Variants in KCNK2 observed in about 807,000 individuals in gnomAD.
KCNK2 encodes potassium two pore domain channel subfamily K member 2.
A neutral mutation model predicts 40.5 loss-of-function variants in KCNK2; 21 were observed. The ratio of observed to expected loss-of-function variants is 0.52; its 90% CI spans 0.37 to 0.75. The LOEUF (loss-of-function observed/expected upper bound fraction) is 0.75, where lower values mean the gene tolerates loss of function less well. Ranked by LOEUF, KCNK2 falls within the 30% of genes least tolerant of loss-of-function variation. The pLI is 0.00. For missense variants in KCNK2, 399 were observed against 531.6 expected (o/e 0.75, Z 2.45); for synonymous variants, 191 against 202.2 (o/e 0.94, Z 0.47).
At chr1:215,209,897 CTT>C (rs1291369321) in intron 6 of KCNK2, among the ~76,000 whole-genome samples, 1 of 56,272 alleles carries the variant, frequency 1.8e-5, no homozygotes, top group Non-Finnish European at 3.1e-5. Flanking sequence ...ACTATACTGA[CTT>C]TTGTTGAACT....
chr1:215,093,882 A>T (rs1243607551), intron 2 of KCNK2, among the ~76,000 whole-genome samples: 1 of 104,870 alleles, frequency 9.5e-6, no homozygotes, highest in Non-Finnish European at 1.8e-5. Flanking sequence ...TATATATTAT[A>T]TATTATATAT....
chr1:215,131,656 T>C (rs1289642071), intron 3 of KCNK2, among the ~76,000 whole-genome samples: 1 of 149,868 alleles, frequency 6.7e-6, no homozygotes, highest in Non-Finnish European at 1.5e-5. Context: ...AATTATTATA[T>C]CTGAGTGTCA....
intron 5 of KCNK2, among the ~76,000 whole-genome samples, chr1:215,172,419 C>T (rs995222570): frequency 1.3e-5 from 2 of 152,120 alleles, no homozygotes; most frequent in African/African-American, 4.8e-5. Flanking sequence ...TTCTTAGCCT[C>T]TTCCTAATTT....
At chr1:215,140,274 A>G (rs1277951963) in intron 3 of KCNK2, among the ~76,000 whole-genome samples, 1 of 152,152 alleles carries the variant, frequency 6.6e-6, no homozygotes, top group Non-Finnish European at 1.5e-5. Flanking sequence ...AGGCAAGGTG[A>G]TTCAGTCATC....
chr1:215,188,286 A>C (rs905012403), intron 5 of KCNK2, among the ~76,000 whole-genome samples: 1 of 152,158 alleles, frequency 6.6e-6, no homozygotes, highest in African/African-American at 2.4e-5. Context: ...TTTCCCAGGT[A>C]AAATTTTTCC....
intron 6 of KCNK2, among the ~76,000 whole-genome samples, chr1:215,205,117 T>C (rs1247522371): frequency 6.6e-6 from 1 of 152,218 alleles, no homozygotes; most frequent in African/African-American, 2.4e-5. Context: ...CATGAAATAT[T>C]TTCATTTGAC....
intron 6 of KCNK2, among the ~76,000 whole-genome samples, chr1:215,207,818 G>A (rs913119987): frequency 2.0e-5 from 3 of 152,064 alleles, no homozygotes; most frequent in African/African-American, 7.2e-5. Flanking sequence ...AGCAAAATTA[G>A]ATACTATTTC....
chr1:215,166,503 T>G (rs1251529014), intron 3 of KCNK2, among the ~76,000 whole-genome samples: 2 of 152,100 alleles, frequency 1.3e-5, no homozygotes, highest in African/African-American at 4.8e-5. Context: ...TCAAGCTGTG[T>G]TTTCCAAACA....
At position 215,083,422 on chromosome 1, in the gene KCNK2, A is replaced by T. The variant is rs1659270715; in HGVS notation, c.37A>T (p.Arg13Ter). 6.2e-7 allele frequency: 1 copy of T among 1,613,428 alleles called. No individual in the cohort carries two copies. Among genetic ancestry groups the T allele is most frequent in the Non-Finnish European group, 8.5e-7 (1 of 1,179,552 alleles). Residue 13 changes from arginine to a stop codon, truncating the protein, a stop_gained, in exon 1 of 7, where the codon AGA (arginine) becomes TGA (stop). Transcript: ENST00000444842. LOFTEE classifies it high-confidence loss of function. ...PSASRERPGYRAGVAAPDLLD... is the reference protein window; with the variant it reads ...PSASRERPGY ...CGCCTCGCGGGAGAGACCCGGCTAT[A>T]GAGCAGGAGGTGAGACCCCCCCTCC...
intron 3 of KCNK2, among the ~76,000 whole-genome samples, chr1:215,168,419 C>T (rs537424193): frequency 5.3e-5 from 8 of 152,240 alleles, no homozygotes; most frequent in African/African-American, 7.2e-5. Context: ...TTTATTGCAG[C>T]GCTATTTACA....
chr1:215,130,995 G>A (rs1661647398), intron 3 of KCNK2, among the ~76,000 whole-genome samples: 1 of 150,994 alleles, frequency 6.6e-6, no homozygotes, highest in Admixed American at 6.6e-5. Context: ...CGAGTAGCTG[G>A]GACTACAGGC....
At chr1:215,225,560 C>T (rs1188729552) in intron 6 of KCNK2, among the ~76,000 whole-genome samples, 2 of 152,180 alleles carry the variant, frequency 1.3e-5, no homozygotes, top group African/African-American at 2.4e-5. Flanking sequence ...GAAAATATCA[C>T]CTTTATAAGA....
intron 1 of KCNK2, among the ~76,000 whole-genome samples, chr1:215,019,479 T>C (rs1656710520): frequency 6.6e-6 from 1 of 152,222 alleles, no homozygotes; most frequent in Non-Finnish European, 1.5e-5. Flanking sequence ...ACAATGTCAG[T>C]TAATGGCTAG....
intron 3 of KCNK2, among the ~76,000 whole-genome samples, chr1:215,144,183 A>G (rs1157425519): frequency 6.6e-6 from 1 of 152,182 alleles, no homozygotes; most frequent in East Asian, 1.9e-4. Context: ...AAAAACTAAG[A>G]TACAGAAATA....
intron 1 of KCNK2, among the ~76,000 whole-genome samples, chr1:215,018,701 A>G (rs1656676775): frequency 6.6e-6 from 1 of 152,140 alleles, no homozygotes; most frequent in South Asian, 2.1e-4. Context: ...GGTCAAAATG[A>G]GGTTGGGGAA....
upstream of KCNK2, among the ~76,000 whole-genome samples, chr1:215,081,247 T>C (rs987736480): frequency 2.0e-5 from 3 of 151,786 alleles, no homozygotes; most frequent in Non-Finnish European, 4.4e-5. Flanking sequence ...ACCTTAGTCA[T>C]GTAAAGTTGG....
At chr1:215,014,703 C>A (rs1365336824) in intron 1 of KCNK2, among the ~76,000 whole-genome samples, 1 of 151,976 alleles carries the variant, frequency 6.6e-6, no homozygotes, top group East Asian at 1.9e-4. Context: ...TCATTCTCAC[C>A]CCACTGTAAT....
At chr1:215,116,423 A>T (rs1345821124) in intron 2 of KCNK2, among the ~76,000 whole-genome samples, 3 of 152,126 alleles carry the variant, frequency 2.0e-5, no homozygotes, top group Non-Finnish European at 2.9e-5. Flanking sequence ...ACCAGGAAAG[A>T]CAACCCAAAT....
intron 1 of KCNK2, among the ~76,000 whole-genome samples, chr1:215,063,294 G>C (rs754541464): frequency 6.6e-6 from 1 of 152,182 alleles, no homozygotes; most frequent in South Asian, 2.1e-4. Context: ...CCACTGGCAG[G>C]TTTTCAGCTG....
Sources: allele counts gnomAD v4.1 joint callset (sites outside exome capture counted in the v4.1 genomes callset), GRCh38; gene constraint gnomAD v4.1.1; transcripts MANE v1.5; gene names NCBI Gene and HGNC (gene_info 2026-07-23, HGNC 2026-07-21).